PDE7B: variants seen among roughly 807,000 people sequenced by gnomAD.
PDE7B encodes the protein 3',5'-cyclic-AMP phosphodiesterase 7B.
PDE7B carries 29 observed loss-of-function variants against 56.2 expected under a neutral mutation model. The observed-to-expected ratio is 0.52, with a 90% CI of 0.38 to 0.70. PDE7B has a LOEUF of 0.70. Ranked by LOEUF, PDE7B falls within the 30% of genes least tolerant of loss-of-function variation. PDE7B has a pLI of 0.00. For missense variants in PDE7B, 490 were observed against 565.0 expected (o/e 0.87, Z 1.35); for synonymous variants, 197 against 196.9 (o/e 1.00, Z 0.00).
intron 2 of PDE7B, among the ~76,000 whole-genome samples, chr6:135,955,005 A>G (rs566740567): frequency 3.3e-5 from 5 of 152,148 alleles, no homozygotes; most frequent in Non-Finnish European, 4.4e-5. Flanking sequence ...AAAGTGATAG[A>G]AGTGTCAGTC....
chr6:135,981,199 C>G (rs955819713), intron 2 of PDE7B, among the ~76,000 whole-genome samples: 7 of 149,706 alleles, frequency 4.7e-5, no homozygotes, highest in Non-Finnish European at 8.9e-5. Flanking sequence ...AAACCAAACA[C>G]CGAATATTCT....
At chr6:135,994,802 G>A (rs1280554784) in intron 2 of PDE7B, among the ~76,000 whole-genome samples, 1 of 152,078 alleles carries the variant, frequency 6.6e-6, no homozygotes, top group African/African-American at 2.4e-5. Context: ...AGAATGCTAA[G>A]AATTATTATA....
chr6:135,988,252 G>A (rs780510342), intron 2 of PDE7B, among the ~76,000 whole-genome samples: 21 of 152,030 alleles, frequency 1.4e-4, no homozygotes, highest in Non-Finnish European at 2.5e-4. Context: ...AGGATTTGAC[G>A]TCTCTGTGGT....
intron 2 of PDE7B, among the ~76,000 whole-genome samples, chr6:136,030,463 T>G (rs1420851870): frequency 6.6e-6 from 1 of 152,230 alleles, no homozygotes; most frequent in African/African-American, 2.4e-5. Flanking sequence ...TGTGTGTGTG[T>G]GCATGTGTTG....
intron 1 of PDE7B, among the ~76,000 whole-genome samples, chr6:135,882,085 A>G (rs1296576278): frequency 1.3e-5 from 2 of 152,188 alleles, no homozygotes; most frequent in Admixed American, 1.3e-4. Flanking sequence ...GCAAGAAGTT[A>G]TTAGGCTTGG....
chr6:136,156,190 T>C, intron 8 of PDE7B: 1 of 335,278 alleles, frequency 3.0e-6, no homozygotes, highest in African/African-American at 2.2e-5. Context: ...TGTGTGTGTG[T>C]GTGTGTGTGT....
intron 2 of PDE7B, among the ~76,000 whole-genome samples, chr6:136,039,957 A>G (rs968160838): frequency 4.6e-5 from 7 of 152,204 alleles, no homozygotes; most frequent in African/African-American, 1.4e-4. Context: ...ATCTAATTCA[A>G]TAGTTGTTAG....
chr6:136,178,966 G>T, intron 9 of PDE7B, 31 bp from the exon 10 acceptor site: 2 of 1,612,792 alleles, frequency 1.2e-6, no homozygotes, highest in South Asian at 2.2e-5. Context: ...TGCTTTGTGT[G>T]TGTTTTTCTC....
At chr6:135,992,685 GA>G (rs1775497291) in intron 2 of PDE7B, among the ~76,000 whole-genome samples, 1 of 152,134 alleles carries the variant, frequency 6.6e-6, no homozygotes, top group Admixed American at 6.5e-5. Flanking sequence ...GATAGCAAAT[GA>G]AGGAAAATGT....
At chr6:135,952,920 A>T (rs1774726037) in intron 2 of PDE7B, among the ~76,000 whole-genome samples, 1 of 152,214 alleles carries the variant, frequency 6.6e-6, no homozygotes, top group South Asian at 2.1e-4. Flanking sequence ...GTTATAGCAT[A>T]TCAGAGAATA....
intron 1 of PDE7B, among the ~76,000 whole-genome samples, chr6:135,856,507 G>A (rs1775030081): frequency 6.6e-6 from 1 of 152,164 alleles, no homozygotes; most frequent in South Asian, 2.1e-4. Flanking sequence ...GAAAGTTTTG[G>A]TGAATTGATT....
chr6:135,860,349 A>G (rs2128184413), intron 1 of PDE7B, among the ~76,000 whole-genome samples: 1 of 152,196 alleles, frequency 6.6e-6, no homozygotes, highest in South Asian at 2.1e-4. Context: ...CAAAATATAA[A>G]AATGTCTGTT....
At chr6:136,080,346 A>G (rs1221419023) in intron 2 of PDE7B, among the ~76,000 whole-genome samples, 1 of 152,240 alleles carries the variant, frequency 6.6e-6, no homozygotes, top group African/African-American at 2.4e-5. Context: ...GGCAATGAGA[A>G]CAAACATTCT....
At chr6:136,078,635 CTT>C (rs1296199139) in intron 2 of PDE7B, among the ~76,000 whole-genome samples, 3 of 151,738 alleles carry the variant, frequency 2.0e-5, no homozygotes, top group Non-Finnish European at 4.4e-5. Context: ...GAAAAAAGCT[CTT>C]TGGATTTTTT....
At chr6:135,855,166 A>G (rs932922403) in intron 1 of PDE7B, among the ~76,000 whole-genome samples, 2 of 152,212 alleles carry the variant, frequency 1.3e-5, no homozygotes, top group Non-Finnish European at 2.9e-5. Context: ...TCTAACATCC[A>G]TTTTAGATCA....
At chr6:136,170,025 G>A (rs563723153) in intron 8 of PDE7B, among the ~76,000 whole-genome samples, 211 of 152,312 alleles carry the variant, frequency 1.4e-3, no homozygotes, top group African/African-American at 4.8e-3. Flanking sequence ...GGAGATAAAT[G>A]AGTGTGTGGT....
chr6:135,914,077 T>G (rs1424439256), intron 1 of PDE7B, among the ~76,000 whole-genome samples: 1 of 152,230 alleles, frequency 6.6e-6, no homozygotes, highest in Non-Finnish European at 1.5e-5. Flanking sequence ...TCTTATTGTC[T>G]GTGGCTTTAA....
chr6:135,888,944 A>C (rs1048930402), intron 1 of PDE7B, among the ~76,000 whole-genome samples: 1 of 152,240 alleles, frequency 6.6e-6, no homozygotes. Flanking sequence ...TGTGATTTCT[A>C]TAAGTTACAA....
intron 5 of PDE7B, among the ~76,000 whole-genome samples, chr6:136,150,192 C>T (rs1212954786): frequency 6.6e-6 from 1 of 152,132 alleles, no homozygotes; most frequent in Non-Finnish European, 1.5e-5. Flanking sequence ...AAGAGCCTCA[C>T]AAGTATATGA....
Sources: gnomAD v4.1 joint callset for allele counts (sites outside exome capture counted in the v4.1 genomes callset) on GRCh38, gnomAD v4.1.1 for gene constraint, MANE v1.5 for transcripts, NCBI Gene and HGNC (gene_info 2026-07-23, HGNC 2026-07-21) for gene names.